Variants in KCNH8 observed in about 807,000 individuals in gnomAD.
The protein encoded by KCNH8 is potassium voltage-gated channel subfamily H member 8.
KCNH8 carries 70 observed loss-of-function variants against 103.6 expected under a neutral mutation model. That is an observed-to-expected ratio of 0.68 (90% CI 0.56 to 0.82). The LOEUF (loss-of-function observed/expected upper bound fraction) is 0.82, where lower values mean the gene tolerates loss of function less well. KCNH8 is among the 40% of genes least tolerant of loss of function. The pLI is 0.00. For synonymous variants in KCNH8, 498 were observed against 489.4 expected, an observed-to-expected ratio of 1.02 and a Z score of -0.23; for missense variants, 1,217 against 1,329.9, an observed-to-expected ratio of 0.92 and a Z score of 1.32.
rs915420163 is a variant in KCNH8, at chr3:19,245,354, A to G, written c.77-8300A>G. 2.0e-5 allele frequency among the ~76,000 whole-genome samples: 3 copies of G among 152,184 alleles called. No individual in the cohort carries two copies. The East Asian group carries it at 5.8e-4, about 29-fold the overall frequency. ...GTACCAGTACCACGCTGTTTTGGTT[A>G]CTATAGCCTTATAGCATACTTTGAA... On this transcript the variant is annotated intron_variant, in intron 1 of 15. Transcript: ENST00000328405.
intron 1 of KCNH8, among the ~76,000 whole-genome samples, chr3:19,171,845 T>C (rs1180506982): frequency 6.6e-6 from 1 of 152,158 alleles, no homozygotes; most frequent in Admixed American, 6.5e-5. Flanking sequence ...GCAATTTTAC[T>C]ATGTTGGTGT....
At chr3:19,207,417 C>A (rs1226403232) in intron 1 of KCNH8, among the ~76,000 whole-genome samples, 1 of 151,812 alleles carries the variant, frequency 6.6e-6, no homozygotes, top group Non-Finnish European at 1.5e-5. Flanking sequence ...ATGAAAGAAT[C>A]AATAAATGAA....
chr3:19,288,573 T>C (rs2064870669), intron 3 of KCNH8, among the ~76,000 whole-genome samples: 1 of 152,200 alleles, frequency 6.6e-6, no homozygotes, highest in Non-Finnish European at 1.5e-5. Flanking sequence ...TCATTTTTTA[T>C]GGCTGCAAAG....
chr3:19,175,176 C>G (rs1213814833), intron 1 of KCNH8, among the ~76,000 whole-genome samples: 1 of 151,388 alleles, frequency 6.6e-6, no homozygotes, highest in African/African-American at 2.4e-5. Flanking sequence ...ACACATTTCT[C>G]TAAGAAGTTG....
intron 11 of KCNH8, among the ~76,000 whole-genome samples, chr3:19,481,452 G>T (rs1248867869): frequency 6.6e-6 from 1 of 151,944 alleles, no homozygotes; most frequent in Non-Finnish European, 1.5e-5. Flanking sequence ...TCTTCATGTT[G>T]TGTAAAGGAT....
chr3:19,383,619 C>T (rs985750575), intron 5 of KCNH8, among the ~76,000 whole-genome samples: 5 of 152,214 alleles, frequency 3.3e-5, no homozygotes, highest in Admixed American at 1.3e-4. Flanking sequence ...GTGATCCACC[C>T]GCCTTGGCCT....
intron 5 of KCNH8, among the ~76,000 whole-genome samples, chr3:19,376,603 T>A (rs577736794): frequency 6.6e-6 from 1 of 152,360 alleles, no homozygotes; most frequent in African/African-American, 2.4e-5. Context: ...CTGTTCCTAT[T>A]CGGCCATCTT....
chr3:19,260,490 A>G (rs1428028312), intron 2 of KCNH8, among the ~76,000 whole-genome samples: 1 of 3,726 alleles, frequency 2.7e-4, no homozygotes, highest in East Asian at 5.8e-3. Flanking sequence ...TCTATAGGAT[A>G]TATATATATA....
At position 19,428,963 on chromosome 3, in the gene KCNH8, T is replaced by C. The variant is rs368395791; in HGVS notation, c.1178-9201T>C. ...TCTACTTCTTATTTTTCAAAATGAC[T>C]GTGCCCCCCTTTAGGTCTCTCTCAG... On this transcript the variant is annotated intron_variant, in intron 7 of 15. Transcript: ENST00000328405. 2.5e-4 allele frequency among the ~76,000 whole-genome samples: 38 copies of C among 152,120 alleles called. 1 individual carries two copies. The highest frequency in any genetic ancestry group is 9.2e-4 in the African/African-American group (38 of 41,426).
intron 5 of KCNH8, among the ~76,000 whole-genome samples, chr3:19,352,907 G>T (rs1335002648): frequency 6.6e-6 from 1 of 150,738 alleles, no homozygotes; most frequent in Non-Finnish European, 1.5e-5. Context: ...AGGAGATAGA[G>T]ACACAAAAAA....
intron 1 of KCNH8, among the ~76,000 whole-genome samples, chr3:19,239,783 T>C (rs2064115166): frequency 6.6e-6 from 1 of 152,122 alleles, no homozygotes; most frequent in Non-Finnish European, 1.5e-5. Flanking sequence ...GCATTTATAA[T>C]AAAATTAAAT....
At chr3:19,490,097 C>G (rs2068286891) in intron 11 of KCNH8, among the ~76,000 whole-genome samples, 1 of 152,252 alleles carries the variant, frequency 6.6e-6, no homozygotes, top group Non-Finnish European at 1.5e-5. Context: ...CCCGAGAGTG[C>G]TCTCAGGATC....
In KCNH8 at chr3:19,379,468, C is replaced by A. The variant is rs372446055; in HGVS notation, c.812-11013C>A. Among the ~76,000 whole-genome samples, 4 of 152,016 alleles carry A rather than the reference C, an allele frequency of 2.6e-5. No homozygotes were observed. The South Asian group carries it at 8.3e-4, about 32-fold the overall frequency. On this transcript the variant is annotated intron_variant, in intron 5 of 15. Transcript: ENST00000328405. Reference sequence around the variant, plus strand: ...CATCCTGGCCAACATGGTGAAACCCCGTCTCTACTAAAATACAAAAAATTA... The same window carrying A: ...CATCCTGGCCAACATGGTGAAACCCAGTCTCTACTAAAATACAAAAAATTA...
chr3:19,392,825 G>A (rs1043652785), intron 6 of KCNH8, among the ~76,000 whole-genome samples: 1 of 151,978 alleles, frequency 6.6e-6, no homozygotes, highest in African/African-American at 2.4e-5. Flanking sequence ...AGAGTAGAAA[G>A]GGCAGAAGTA....
At chr3:19,337,969 A>AAC (rs1172457702) in intron 3 of KCNH8, among the ~76,000 whole-genome samples, 203 of 150,778 alleles carry the variant, frequency 1.3e-3, no homozygotes, top group Middle Eastern at 0.01. Context: ...AAAAAAAATA[A>AAC]ACACACACAC....
intron 3 of KCNH8, among the ~76,000 whole-genome samples, chr3:19,298,921 C>CAA (rs56304109): frequency 5.4e-3 from 410 of 75,546 alleles, no homozygotes; most frequent in Middle Eastern, 9.6e-3. Flanking sequence ...GACTCCGTCT[C>CAA]AAAAAAAAAA....
At position 19,348,897 on chromosome 3, in the gene KCNH8, TG is replaced by T. The variant is rs2065762666; in HGVS notation, c.811+933del. Among the ~76,000 whole-genome samples the T allele has an allele frequency of 5.0e-5, 7 of 140,086 alleles. No homozygotes were observed. In the South Asian group the frequency reaches 1.6e-3, roughly 31 times the overall value. 91.9% of individuals were successfully genotyped at this position (140,086 alleles called of 152,430 possible). A position where few individuals can be genotyped will look rare whatever the true frequency, so the allele number is the denominator to read the frequency against. ...ACCTTGGTTCAATGGTGGTAGTAGT[TG>T]TTTTTTTGTGTGTTTTTTTGGTTTT... On this transcript the variant is annotated intron_variant, in intron 5 of 15. Coordinates refer to ENST00000328405, the MANE Select transcript of KCNH8 (RefSeq NM_144633.3).
chr3:19,456,057 A>C (rs900314064), intron 10 of KCNH8, among the ~76,000 whole-genome samples: 2 of 152,116 alleles, frequency 1.3e-5, no homozygotes, highest in African/African-American at 4.8e-5. Context: ...CAAGTTTAGC[A>C]ATATTGACAA....
chr3:19,513,024 G>C lies in KCNH8; in HGVS notation c.2134G>C (p.Asp712His). ...INKRLPSIVEDEEEEEEGEEE... is the reference protein window; with the variant it reads ...INKRLPSIVEHEEEEEEGEEE... ...CAAGCGACTCCCATCCATTGTGGAAGATGAGGAAGAGGAGGAGGAGGGGGA... is the reference window on the plus strand; with the variant it reads ...CAAGCGACTCCCATCCATTGTGGAACATGAGGAAGAGGAGGAGGAGGGGGA... Residue 712 changes from aspartate to histidine, a missense_variant, in exon 13 of 16, where the codon GAT becomes CAT. By Grantham distance (81) the Asp-to-His change is moderately conservative. Coordinates refer to ENST00000328405, the MANE Select transcript of KCNH8 (RefSeq NM_144633.3). 2 of 1,613,724 alleles carry C rather than the reference G, an allele frequency of 1.2e-6. No individual in the cohort carries two copies. The highest frequency in any genetic ancestry group is 1.7e-6 in the Non-Finnish European group (2 of 1,179,838).
Sources: gnomAD v4.1 joint callset for allele counts (sites outside exome capture counted in the v4.1 genomes callset) on GRCh38, gnomAD v4.1.1 for gene constraint, MANE v1.5 for transcripts, NCBI Gene and HGNC (gene_info 2026-07-23, HGNC 2026-07-21) for gene names.